Variants in ZNF704 observed in about 807,000 individuals in gnomAD.
ZNF704 encodes the protein zinc finger protein 704, also known as glucocorticoid induced gene 1.
In ZNF704, 10 loss-of-function variants were observed where a neutral mutation model predicts 44.7. The ratio of observed to expected loss-of-function variants is 0.22; its 90% CI spans 0.14 to 0.38. The LOEUF (loss-of-function observed/expected upper bound fraction) is 0.38, where lower values mean the gene tolerates loss of function less well. ZNF704 is among the 10% of genes least tolerant of loss of function. The probability of loss-of-function intolerance (pLI) is 1.00; values close to 1 mark genes in which losing one functional copy is unlikely to be tolerated. For missense variants in ZNF704, 390 were observed against 545.5 expected (o/e 0.71, Z 2.84); for synonymous variants, 211 against 207.6 (o/e 1.02, Z -0.14).
intron 6 of ZNF704, among the ~76,000 whole-genome samples, chr8:80,661,362 A>G (rs1042679857): frequency 3.3e-5 from 5 of 152,228 alleles, no homozygotes; most frequent in Admixed American, 2.0e-4. Flanking sequence ...AAATTAATAC[A>G]CCTATTATGG....
At chr8:80,649,282 G>C (rs904064731) in intron 7 of ZNF704, among the ~76,000 whole-genome samples, 1 of 152,136 alleles carries the variant, frequency 6.6e-6, no homozygotes, top group East Asian at 1.9e-4. Flanking sequence ...CTGAGGTACC[G>C]GGTTCAACTC....
intron 2 of ZNF704, among the ~76,000 whole-genome samples, chr8:80,713,804 T>C (rs1819030356): frequency 6.6e-6 from 1 of 152,248 alleles, no homozygotes; most frequent in Non-Finnish European, 1.5e-5. Context: ...AAGATTGATT[T>C]CAGCAAAGTG....
At chr8:80,860,497 G>A (rs539917420) in intron 1 of ZNF704, among the ~76,000 whole-genome samples, 1 of 152,264 alleles carries the variant, frequency 6.6e-6, no homozygotes, top group South Asian at 2.1e-4. Context: ...TCTTTCTCCT[G>A]TTGTTTTAGG....
intron 2 of ZNF704, among the ~76,000 whole-genome samples, chr8:80,726,367 CTA>C (rs1384556392): frequency 1.3e-5 from 2 of 151,956 alleles, no homozygotes; most frequent in Admixed American, 1.3e-4. Flanking sequence ...GGAATATTTT[CTA>C]TGATTTTTTG....
intron 2 of ZNF704, among the ~76,000 whole-genome samples, chr8:80,788,031 A>G (rs1807644170): frequency 1.3e-5 from 2 of 152,224 alleles, no homozygotes; most frequent in Non-Finnish European, 2.9e-5. Context: ...TGCAAAATCA[A>G]AACACCAGGC....
chr8:80,713,267 T>C (rs1563528217), intron 2 of ZNF704, among the ~76,000 whole-genome samples: 1 of 152,234 alleles, frequency 6.6e-6, no homozygotes, highest in African/African-American at 2.4e-5. Context: ...TGTTGGATAT[T>C]TGTTTTTCAT....
chr8:80,680,426 G>A (rs1818435406), intron 4 of ZNF704, among the ~76,000 whole-genome samples: 1 of 151,738 alleles, frequency 6.6e-6, no homozygotes, highest in South Asian at 2.1e-4. Context: ...CAGGGACAGG[G>A]GCTTACACAT....
intron 2 of ZNF704, among the ~76,000 whole-genome samples, chr8:80,699,410 A>AG (rs1171741996): frequency 6.6e-6 from 1 of 152,154 alleles, no homozygotes; most frequent in African/African-American, 2.4e-5. Context: ...AAAGAAAAAA[A>AG]AATCAAAGGG....
chr8:80,691,174 TC>T (rs1385845275), intron 3 of ZNF704, among the ~76,000 whole-genome samples: 19 of 152,248 alleles, frequency 1.2e-4, no homozygotes, highest in African/African-American at 4.3e-4. Flanking sequence ...CAATGTATGT[TC>T]AACAAATTTA....
intron 2 of ZNF704, among the ~76,000 whole-genome samples, chr8:80,697,351 A>T (rs1818742723): frequency 6.6e-6 from 1 of 152,146 alleles, no homozygotes; most frequent in South Asian, 2.1e-4. Context: ...GAAAGGGAGG[A>T]AATGGGAGGC....
chr8:80,855,699 T>C (rs1319234892), intron 1 of ZNF704, among the ~76,000 whole-genome samples: 1 of 152,126 alleles, frequency 6.6e-6, no homozygotes, highest in Non-Finnish European at 1.5e-5. Flanking sequence ...ATAACTAACT[T>C]AAAAGTTCTG....
At chr8:80,643,509 C>T (rs1817777673) in intron 7 of ZNF704, among the ~76,000 whole-genome samples, 1 of 120,720 alleles carries the variant, frequency 8.3e-6, no homozygotes, top group South Asian at 2.7e-4. Context: ...AGAGTGAGAT[C>T]CTGTCTCAAA....
At position 80,765,530 on chromosome 8, in the gene ZNF704, T is replaced by C. The variant is rs890674141; in HGVS notation, c.221+55844A>G. ...AATAAAGACAATAACAAGGTAATAG[T>C]TCAGCCCAACATGAGGTAACCAACA... is the stretch of plus-strand genomic sequence containing the variant. On this transcript the variant is annotated intron_variant, in intron 2 of 8. Transcript: ENST00000327835. 7.2e-5 allele frequency among the ~76,000 whole-genome samples: 11 copies of C among 152,188 alleles called. No homozygotes were observed. In the East Asian group the frequency reaches 1.9e-3, roughly 27 times the overall value.
chr8:80,773,983 T>C (rs540363134), intron 2 of ZNF704, among the ~76,000 whole-genome samples: 1 of 152,152 alleles, frequency 6.6e-6, no homozygotes, highest in Non-Finnish European at 1.5e-5. Flanking sequence ...TTATGAGTTA[T>C]TCTGAATTAA....
At chr8:80,849,981 T>C (rs1808830333) in intron 1 of ZNF704, among the ~76,000 whole-genome samples, 1 of 152,242 alleles carries the variant, frequency 6.6e-6, no homozygotes, top group South Asian at 2.1e-4. Context: ...AAACTTGTTT[T>C]GTTATGCTTT....
chr8:80,776,988 A>G (rs1367041798), intron 2 of ZNF704: 1 of 152,094 alleles, frequency 6.6e-6, no homozygotes, highest in African/African-American at 2.4e-5. Context: ...TGATTTGTTC[A>G]GTTTATTCTA....
At chr8:80,646,739 A>G (rs959951820) in intron 7 of ZNF704, among the ~76,000 whole-genome samples, 9 of 152,214 alleles carry the variant, frequency 5.9e-5, no homozygotes, top group East Asian at 5.8e-4. Flanking sequence ...TACAGGATGA[A>G]TAACAGCAAA....
At chr8:80,872,087 A>G (rs530558066) in intron 1 of ZNF704, among the ~76,000 whole-genome samples, 1 of 152,342 alleles carries the variant, frequency 6.6e-6, no homozygotes, top group African/African-American at 2.4e-5. Flanking sequence ...CACAGGACAC[A>G]CTTTCAGTAT....
intron 7 of ZNF704, among the ~76,000 whole-genome samples, chr8:80,646,878 C>A (rs1817842723): frequency 6.6e-6 from 1 of 152,132 alleles, no homozygotes; most frequent in Non-Finnish European, 1.5e-5. Flanking sequence ...CTTATAGAAT[C>A]CCAAGAACAC....
Sources: gnomAD v4.1 joint callset for allele counts (sites outside exome capture counted in the v4.1 genomes callset) on GRCh38, gnomAD v4.1.1 for gene constraint, MANE v1.5 for transcripts, NCBI Gene and HGNC (gene_info 2026-07-23, HGNC 2026-07-21) for gene names.